ITPR2: variants seen among roughly 807,000 people sequenced by gnomAD.
ITPR2 encodes inositol 1,4,5-trisphosphate-gated calcium channel ITPR2.
Under a neutral mutation model 317.1 loss-of-function variants are expected in ITPR2, and 207 were observed. The observed-to-expected ratio is 0.65, with a 90% CI of 0.58 to 0.73. The LOEUF is 0.73. Ranked by LOEUF, ITPR2 falls within the 30% of genes least tolerant of loss-of-function variation. ITPR2 has a pLI of 0.00. For missense variants in ITPR2, 2,613 were observed against 3,284.0 expected, an observed-to-expected ratio of 0.80 and a Z score of 4.99; for synonymous variants, 1,156 against 1,149.1, an observed-to-expected ratio of 1.01 and a Z score of -0.12.
chr12:26,448,453 G>A (rs1403227342), intron 45 of ITPR2, among the ~76,000 whole-genome samples: 1 of 152,120 alleles, frequency 6.6e-6, no homozygotes, highest in Non-Finnish European at 1.5e-5. Flanking sequence ...TATATATGGT[G>A]TGCAAATGAT....
At chr12:26,426,840 TTTTA>T (rs1158239756) in intron 49 of ITPR2, among the ~76,000 whole-genome samples, 4 of 150,822 alleles carry the variant, frequency 2.7e-5, no homozygotes, top group Non-Finnish European at 5.9e-5. Context: ...AATAAATACA[TTTTA>T]TTTATTAAGT....
Position 26,685,321 on chromosome 12 carries a change from C to T in ITPR2, c.1148+1160G>A, listed in dbSNP as rs141956235. ...CTAAACTAGTCAAATTCAGCCTGGG[C>T]GTGGTGGCTCATGCCTGTAATCTCG... On this transcript the variant is annotated intron_variant, in intron 11 of 56. Coordinates refer to ENST00000381340, the MANE Select transcript of ITPR2 (RefSeq NM_002223.4). 8.7e-4 allele frequency among the ~76,000 whole-genome samples: 132 copies of T among 152,248 alleles called. 1 individual carries two copies. The highest frequency in any genetic ancestry group is 2.3e-3 in the African/African-American group (97 of 41,550).
intron 9 of ITPR2, among the ~76,000 whole-genome samples, chr12:26,702,901 CA>C (rs36009776): frequency 0.2 from 30,605 of 151,516 alleles, 3,865 homozygotes; most frequent in East Asian, 0.55. Context: ...CGCAATTCAC[CA>C]AAAAAAAGAT....
chr12:26,483,811 T>C lies in ITPR2; in HGVS notation c.5899A>G (p.Thr1967Ala), dbSNP rs766540477. 4.3e-6 allele frequency: 7 copies of C among 1,614,030 alleles called. No homozygotes were observed. Among genetic ancestry groups the C allele is most frequent in the Middle Eastern group, 1.6e-4 (1 of 6,084 alleles). Residue 1967 changes from threonine to alanine, a missense_variant, in exon 42 of 57, where the codon ACC becomes GCC. Thr to Ala is a moderately conservative substitution (Grantham distance 58, BLOSUM62 0). Coordinates refer to ENST00000381340, the MANE Select transcript of ITPR2 (RefSeq NM_002223.4). The stretch of plus-strand genomic sequence containing the variant: ...AGACCCAACAGGCCCAGGCCACCGG[T>C]TGTACTTCCACAAATGCAGTCCAGA... ...QFLDCICGST[T>A]GGLGLLGLYI...
intron 2 of ITPR2, among the ~76,000 whole-genome samples, chr12:26,743,238 G>A (rs1949265801): frequency 6.6e-6 from 1 of 152,170 alleles, no homozygotes; most frequent in Non-Finnish European, 1.5e-5. Flanking sequence ...AATCTATGGT[G>A]TGAGGGTAAA....
intron 16 of ITPR2, 104 bp from the exon 17 acceptor site, chr12:26,658,234 G>A (rs1371457209): frequency 1.4e-5 from 10 of 720,098 alleles, no homozygotes; most frequent in Non-Finnish European, 2.0e-5. Context: ...CTTATTATAT[G>A]TTTTAATATT....
chr12:26,703,247 C>A (rs908567329), intron 9 of ITPR2, among the ~76,000 whole-genome samples: 2 of 152,200 alleles, frequency 1.3e-5, no homozygotes, highest in African/African-American at 4.8e-5. Context: ...AGAACCATTT[C>A]TCTCAGATGT....
At chr12:26,353,282 C>T (rs1938539772) in intron 55 of ITPR2, among the ~76,000 whole-genome samples, 2 of 152,138 alleles carry the variant, frequency 1.3e-5, no homozygotes, top group Non-Finnish European at 2.9e-5. Context: ...TCAAAGTCCT[C>T]GATCATGATA....
At chr12:26,656,614 C>T in intron 18 of ITPR2, 66 bp from the exon 19 acceptor site, 4 of 1,515,858 alleles carry the variant, frequency 2.6e-6, no homozygotes, top group Non-Finnish European at 3.6e-6. Flanking sequence ...GTCATAGTAC[C>T]AATCAGTATC....
intron 48 of ITPR2, 144 bp downstream of exon 48, chr12:26,436,077 C>A: frequency 1.4e-6 from 1 of 697,078 alleles, no homozygotes; most frequent in Non-Finnish European, 2.1e-6. Flanking sequence ...ACTTTTCTGC[C>A]TGTTCTATTT....
At chr12:26,799,067 G>T (rs1388036847) in intron 1 of ITPR2, among the ~76,000 whole-genome samples, 1 of 152,072 alleles carries the variant, frequency 6.6e-6, no homozygotes, top group Non-Finnish European at 1.5e-5. Flanking sequence ...ATATATTTTG[G>T]TTTAAATATT....
At chr12:26,716,322 G>GGAGT in intron 5 of ITPR2, 80 bp from the exon 6 acceptor site, 1 of 835,050 alleles carries the variant, frequency 1.2e-6, no homozygotes. Flanking sequence ...TAACTGCACA[G>GGAGT]GAGTCCCCAT....
rs575571584 is a variant in ITPR2, at chr12:26,768,394, C to A, written c.163+21763G>T. On this transcript the variant is annotated intron_variant, in intron 2 of 56. Transcript: ENST00000381340. The stretch of plus-strand genomic sequence containing the variant: ...CTAACCTGCACAATGTGCACATGTA[C>A]CCTAAAACTTAAAGTATAATAAAAA... Among the ~76,000 whole-genome samples, 456 of 140,840 alleles carry A rather than the reference C, an allele frequency of 3.2e-3. 4 individuals are homozygous for A. Among genetic ancestry groups the A allele is most frequent in the African/African-American group, 0.011 (427 of 37,180 alleles). The allele number at this position is 140,840 out of a possible 152,430, so 92.4% of individuals were successfully genotyped here.
At chr12:26,549,562 A>T (rs1166623119) in intron 37 of ITPR2, among the ~76,000 whole-genome samples, 1 of 152,138 alleles carries the variant, frequency 6.6e-6, no homozygotes, top group Admixed American at 6.5e-5. Flanking sequence ...ATCTAACATA[A>T]AAGTACAGAC....
At chr12:26,810,614 A>C (rs576221108) in intron 1 of ITPR2, among the ~76,000 whole-genome samples, 62 of 152,380 alleles carry the variant, frequency 4.1e-4, no homozygotes, top group Non-Finnish European at 7.5e-4. Context: ...GCTAAGCAGC[A>C]GAAGTTTTCT....
At chr12:26,698,874 A>AT (rs937112161) in intron 9 of ITPR2, among the ~76,000 whole-genome samples, 109 of 152,170 alleles carry the variant, frequency 7.2e-4, no homozygotes, top group African/African-American at 2.5e-3. Context: ...AAAGAAACAC[A>AT]TTTTCACTTG....
intron 34 of ITPR2, among the ~76,000 whole-genome samples, chr12:26,576,262 A>G (rs997905170): frequency 3.9e-5 from 6 of 152,090 alleles, no homozygotes; most frequent in African/African-American, 1.4e-4. Flanking sequence ...GAAGAAAACC[A>G]GATCCACACA....
chr12:26,341,233 C>T (rs1441299880), intron 55 of ITPR2, among the ~76,000 whole-genome samples: 3 of 152,176 alleles, frequency 2.0e-5, no homozygotes, highest in African/African-American at 7.2e-5. Context: ...GATTTGAAGC[C>T]TCTGCAGCAT....
At chr12:26,586,387 C>G (rs1434986806) in intron 32 of ITPR2, among the ~76,000 whole-genome samples, 1 of 152,182 alleles carries the variant, frequency 6.6e-6, no homozygotes, top group Non-Finnish European at 1.5e-5. Context: ...AGTCCCTGAA[C>G]TGGGCCTCCC....
Sources: allele counts gnomAD v4.1 joint callset (sites outside exome capture counted in the v4.1 genomes callset), GRCh38; gene constraint gnomAD v4.1.1; transcripts MANE v1.5; gene names NCBI Gene and HGNC (gene_info 2026-07-23, HGNC 2026-07-21).